The following SLC2A9 variants were observed in gnomAD, a reference collection of about 807,000 sequenced individuals.
The protein encoded by SLC2A9 is solute carrier family 2, facilitated glucose transporter member 9.
A neutral mutation model predicts 50.6 loss-of-function variants in SLC2A9; 39 were observed. That is an observed-to-expected ratio of 0.77 (90% CI 0.60 to 1.01). The LOEUF (loss-of-function observed/expected upper bound fraction) is 1.01. Ranked by LOEUF, SLC2A9 falls within the 50% of genes least tolerant of loss-of-function variation. The pLI is 0.00. For synonymous variants in SLC2A9, 324 were observed against 276.9 expected (o/e 1.17, Z -1.69); for missense variants, 686 against 677.6 (o/e 1.01, Z -0.14).
intron 5 of SLC2A9, among the ~76,000 whole-genome samples, chr4:9,967,904 C>CATACACATACA (rs1269650059): frequency 1.3e-5 from 2 of 151,872 alleles, no homozygotes; most frequent in African/African-American, 4.8e-5. Context: ...GATAAATTTA[C>CATACACATACA]AAAAGAAATT....
At chr4:9,969,965 A>AT (rs901486819) in intron 5 of SLC2A9, among the ~76,000 whole-genome samples, 13 of 152,190 alleles carry the variant, frequency 8.5e-5, no homozygotes, top group Admixed American at 2.0e-4. Context: ...TCACGCTATA[A>AT]TTTTTTTTCC....
intron 5 of SLC2A9, among the ~76,000 whole-genome samples, chr4:9,974,837 T>C (rs1161084008): frequency 6.6e-6 from 1 of 152,126 alleles, no homozygotes; most frequent in African/African-American, 2.4e-5. Flanking sequence ...AGGCATCATA[T>C]TACCTGACCT....
At chr4:9,828,622 T>G (rs550423665) in intron 11 of SLC2A9, among the ~76,000 whole-genome samples, 1 of 152,352 alleles carries the variant, frequency 6.6e-6, no homozygotes, top group South Asian at 2.1e-4. Context: ...GCACATGCTG[T>G]TCTCTCTTGC....
intron 3 of SLC2A9, chr4:9,782,622 C>CCAACTGGA (rs1560111924): frequency 6.2e-7 from 1 of 1,613,990 alleles, no homozygotes. Flanking sequence ...AACAACCTGG[C>CCAACTGGA]CAACTGGACG....
intron 5 of SLC2A9, among the ~76,000 whole-genome samples, chr4:9,946,236 A>G (rs1749120691): frequency 1.1e-5 from 1 of 94,346 alleles, no homozygotes; most frequent in South Asian, 2.9e-4. Context: ...TGGGCTTTGC[A>G]ATTATCTTGT....
chr4:9,943,507 G>T (rs1748565321), intron 5 of SLC2A9, among the ~76,000 whole-genome samples: 1 of 152,172 alleles, frequency 6.6e-6, no homozygotes, highest in African/African-American at 2.4e-5. Flanking sequence ...AGGGACAGGG[G>T]AGTGGGGAGT....
chr4:9,879,196 G>A, intron 10 of SLC2A9: 1 of 985,274 alleles, frequency 1.0e-6, no homozygotes, highest in Non-Finnish European at 1.2e-6. Flanking sequence ...TAATCTAGGG[G>A]GCTGTGGGAG....
At chr4:9,875,340 T>A (rs1231975294) in intron 10 of SLC2A9, among the ~76,000 whole-genome samples, 4 of 147,462 alleles carry the variant, frequency 2.7e-5, no homozygotes, top group African/African-American at 1.0e-4. Context: ...ACTCTCTGTC[T>A]AAGATGGGAT....
intron 2 of SLC2A9, among the ~76,000 whole-genome samples, chr4:10,004,793 A>G (rs896022795): frequency 1.3e-5 from 2 of 152,206 alleles, no homozygotes; most frequent in Non-Finnish European, 2.9e-5. Context: ...CCAAGTCATG[A>G]AGGCTTGGAG....
chr4:9,867,327 C>T (rs1732654214), intron 10 of SLC2A9, among the ~76,000 whole-genome samples: 1 of 152,230 alleles, frequency 6.6e-6, no homozygotes, highest in South Asian at 2.1e-4. Flanking sequence ...CCAGCCTGCA[C>T]TCTCTGCAGC....
At chr4:9,904,983 C>T (rs999217564) in intron 8 of SLC2A9, among the ~76,000 whole-genome samples, 1 of 152,208 alleles carries the variant, frequency 6.6e-6, no homozygotes, top group Non-Finnish European at 1.5e-5. Context: ...CCCTTCAGCT[C>T]TCAGGTTCCT....
chr4:9,940,531 G>A (rs562433066), intron 6 of SLC2A9, among the ~76,000 whole-genome samples: 2 of 152,290 alleles, frequency 1.3e-5, no homozygotes, highest in South Asian at 2.1e-4. Context: ...TGTGTATATG[G>A]TTACTGTATT....
intron 6 of SLC2A9, among the ~76,000 whole-genome samples, chr4:9,921,257 TCCATGTTGAA>T (rs1386667310): frequency 6.6e-6 from 1 of 152,206 alleles, no homozygotes; most frequent in Non-Finnish European, 1.5e-5. Flanking sequence ...TTATGCCTTT[TCCATGTTGAA>T]CACTGCAAAC....
chr4:9,950,224 C>T (rs1376352465), intron 5 of SLC2A9, among the ~76,000 whole-genome samples: 3 of 152,180 alleles, frequency 2.0e-5, no homozygotes, highest in Admixed American at 6.5e-5. Context: ...TATTTCAACA[C>T]TAACAATAAC....
At chr4:9,830,447 T>C (rs899214817) in intron 11 of SLC2A9, among the ~76,000 whole-genome samples, 1 of 152,196 alleles carries the variant, frequency 6.6e-6, no homozygotes, top group Non-Finnish European at 1.5e-5. Flanking sequence ...TTGATCTGTG[T>C]AGCAAACCAC....
upstream of SLC2A9, among the ~76,000 whole-genome samples, chr4:10,024,019 T>A (rs890701843): frequency 6.6e-6 from 1 of 152,232 alleles, no homozygotes; most frequent in Non-Finnish European, 1.5e-5. Flanking sequence ...CAGTCATTAC[T>A]TGCCTGTCTT....
At chr4:9,936,838 T>C (rs1387681754) in intron 6 of SLC2A9, among the ~76,000 whole-genome samples, 2 of 152,198 alleles carry the variant, frequency 1.3e-5, no homozygotes, top group African/African-American at 4.8e-5. Context: ...CTCTGGTGAT[T>C]TGTTGTACAT....
chr4:9,851,497 T>G (rs1008534954), intron 10 of SLC2A9, among the ~76,000 whole-genome samples: 27 of 152,206 alleles, frequency 1.8e-4, no homozygotes, highest in African/African-American at 6.5e-4. Flanking sequence ...GCAAGAACTC[T>G]GGCAACTCAA....
chr4:9,783,482 C>G, intron 3 of SLC2A9: 1 of 1,578,940 alleles, frequency 6.3e-7, no homozygotes, highest in Non-Finnish European at 8.6e-7. Flanking sequence ...AAGAAACCCC[C>G]TCATGGATCT....
Sources: allele counts gnomAD v4.1 joint callset (sites outside exome capture counted in the v4.1 genomes callset), GRCh38; gene constraint gnomAD v4.1.1; transcripts MANE v1.5; gene names NCBI Gene and HGNC (gene_info 2026-07-23, HGNC 2026-07-21).